The following PDE7B variants were observed in gnomAD, a reference collection of about 807,000 sequenced individuals.
The protein encoded by PDE7B is phosphodiesterase 7B.
Under a neutral mutation model 56.2 loss-of-function variants are expected in PDE7B, and 29 were observed. The observed-to-expected ratio is 0.52, with a 90% CI of 0.38 to 0.70. The LOEUF is 0.70. PDE7B is among the 30% of genes least tolerant of loss of function. The probability of loss-of-function intolerance (pLI) is 0.00; values close to 1 mark genes in which losing one functional copy is unlikely to be tolerated. For synonymous variants in PDE7B, 197 were observed against 196.9 expected (o/e 1.00, Z 0.00); for missense variants, 490 against 565.0 (o/e 0.87, Z 1.35).
At chr6:136,055,323 G>T (rs889336812) in intron 2 of PDE7B, among the ~76,000 whole-genome samples, 9 of 152,184 alleles carry the variant, frequency 5.9e-5, no homozygotes, top group Non-Finnish European at 1.3e-4. Flanking sequence ...ATGTGGATTT[G>T]CCTTTCCAGT....
rs185485329 is a variant in PDE7B at position 136,171,384 on chromosome 6, T to C, written c.712-2413T>C. On this transcript the variant is annotated intron_variant, in intron 8 of 12. Coordinates refer to ENST00000308191, the MANE Select transcript of PDE7B (RefSeq NM_018945.4). ...AATGGTTCTCAAACCTTAGTGTACA[T>C]ATGAATTTATTACCACAAGCCTATC... Among the ~76,000 whole-genome samples the C allele has an allele frequency of 2.4e-3, 366 of 152,280 alleles. 1 individual carries two copies. Among genetic ancestry groups the C allele is most frequent in the African/African-American group, 7.6e-3 (316 of 41,570 alleles).
chr6:136,057,084 G>A (rs546909534), intron 2 of PDE7B, among the ~76,000 whole-genome samples: 2 of 152,254 alleles, frequency 1.3e-5, no homozygotes, highest in African/African-American at 4.8e-5. Flanking sequence ...ATTGTGGTGC[G>A]ATTGTGAAGG....
chr6:135,899,152 C>G (rs573959509), intron 1 of PDE7B, among the ~76,000 whole-genome samples: 65 of 152,210 alleles, frequency 4.3e-4, no homozygotes, highest in Non-Finnish European at 4.9e-4. Context: ...GATTGTGAGG[C>G]CTCCCCAGCT....
At chr6:136,154,934 G>A (rs1442994783) in intron 7 of PDE7B, among the ~76,000 whole-genome samples, 2 of 152,116 alleles carry the variant, frequency 1.3e-5, no homozygotes, top group African/African-American at 4.8e-5. Flanking sequence ...GCACTCTCAG[G>A]GCAAAGCTGG....
intron 2 of PDE7B, among the ~76,000 whole-genome samples, chr6:135,975,545 ATG>A (rs1285008847): frequency 2.1e-5 from 3 of 144,240 alleles, no homozygotes; most frequent in African/African-American, 8.7e-5. Flanking sequence ...ATAGACAAGA[ATG>A]TGTGCATATT....
At chr6:135,985,120 T>C (rs1244244959) in intron 2 of PDE7B, among the ~76,000 whole-genome samples, 1 of 152,198 alleles carries the variant, frequency 6.6e-6, no homozygotes, top group Non-Finnish European at 1.5e-5. Flanking sequence ...CTTTACACTT[T>C]ATGTTTGCAT....
At position 136,193,371 on chromosome 6, in the gene PDE7B, A is replaced by G. The variant is rs1779260473; in HGVS notation, c.*1531A>G. 1 of 152,662 alleles carries G rather than the reference A, an allele frequency of 6.6e-6. No homozygotes were observed. Among genetic ancestry groups the G allele is most frequent in the Non-Finnish European group, 1.5e-5 (1 of 68,046 alleles). The allele number at this position is 152,662 out of a possible 1,614,324, so 9.5% of individuals were successfully genotyped here. ...GTTTAGCTGAAGTTCATATTATTTA[A>G]GTAAAGAAAATATTTCAGTTTTATA... On this transcript the variant is annotated 3_prime_UTR_variant, in exon 13 of 13. Transcript: ENST00000308191.
intron 1 of PDE7B, among the ~76,000 whole-genome samples, chr6:135,853,256 C>T (rs769697578): frequency 2.0e-5 from 3 of 152,052 alleles, no homozygotes; most frequent in Non-Finnish European, 2.9e-5. Context: ...ATATTAAGCA[C>T]GATTTCAAAC....
At chr6:136,047,146 C>CT (rs1347523574) in intron 2 of PDE7B, among the ~76,000 whole-genome samples, 2 of 152,198 alleles carry the variant, frequency 1.3e-5, no homozygotes, top group Non-Finnish European at 2.9e-5. Flanking sequence ...TCCCATGTAA[C>CT]TAGAAGCATC....
intron 2 of PDE7B, among the ~76,000 whole-genome samples, chr6:135,980,014 G>A (rs1462183803): frequency 6.6e-6 from 1 of 152,124 alleles, no homozygotes; most frequent in Non-Finnish European, 1.5e-5. Flanking sequence ...CAAAGCTGAA[G>A]GCATCATGCT....
chr6:136,187,258 T>G, intron 12 of PDE7B, 142 bp downstream of exon 12: 1 of 593,090 alleles, frequency 1.7e-6, no homozygotes, highest in Non-Finnish European at 3.0e-6. Flanking sequence ...GAGTCCAAAT[T>G]AATACTTTAA....
intron 1 of PDE7B, among the ~76,000 whole-genome samples, chr6:135,916,478 C>T (rs569810797): frequency 3.5e-4 from 52 of 148,282 alleles, no homozygotes; most frequent in African/African-American, 1.1e-3. Flanking sequence ...CTGCACCCTC[C>T]GCCTCCTGGG....
intron 2 of PDE7B, among the ~76,000 whole-genome samples, chr6:136,046,703 C>T (rs989574547): frequency 6.6e-6 from 1 of 152,196 alleles, no homozygotes; most frequent in African/African-American, 2.4e-5. Context: ...GCCATATCCT[C>T]TTTCCTCCCA....
intron 2 of PDE7B, among the ~76,000 whole-genome samples, chr6:136,052,623 C>CG (rs941411505): frequency 6.8e-6 from 1 of 146,872 alleles, no homozygotes; most frequent in Non-Finnish European, 1.5e-5. Context: ...TACAGCCCCC[C>CG]CCCACCCACA....
At chr6:136,052,950 G>C (rs1292339563) in intron 2 of PDE7B, among the ~76,000 whole-genome samples, 1 of 151,906 alleles carries the variant, frequency 6.6e-6, no homozygotes, top group Non-Finnish European at 1.5e-5. Flanking sequence ...CCTGTCCCAA[G>C]GCACAAGCTG....
At chr6:136,143,513 A>T (rs1354768906) in intron 3 of PDE7B, among the ~76,000 whole-genome samples, 1 of 152,128 alleles carries the variant, frequency 6.6e-6, no homozygotes, top group African/African-American at 2.4e-5. Flanking sequence ...AAAACCAAAA[A>T]AAGTCATGAG....
intron 1 of PDE7B, among the ~76,000 whole-genome samples, chr6:135,876,844 G>C (rs547679082): frequency 6.7e-6 from 1 of 150,040 alleles, no homozygotes; most frequent in Non-Finnish European, 1.5e-5. Context: ...GGGTGACAGT[G>C]AGAGACTCTG....
intron 2 of PDE7B, among the ~76,000 whole-genome samples, chr6:136,089,293 T>A (rs546637358): frequency 1.3e-5 from 2 of 152,298 alleles, no homozygotes; most frequent in East Asian, 3.9e-4. Flanking sequence ...CAAAAAAGAT[T>A]GGCACCAGGT....
Position 136,182,609 on chromosome 6 carries a change from C to T in PDE7B, c.1045+1286C>T, listed in dbSNP as rs371822941. Among the ~76,000 whole-genome samples, 48 of 152,306 alleles carry T rather than the reference C, an allele frequency of 3.2e-4. 1 individual carries two copies. Among genetic ancestry groups the T allele is most frequent in the African/African-American group, 1.1e-3 (46 of 41,566 alleles). ...ATGATTAAAGTACACAAGTCAGCAT[C>T]GACTGCAGTGTAAACCTTTTATTTT... On this transcript the variant is annotated intron_variant, in intron 11 of 12. Coordinates refer to ENST00000308191, the MANE Select transcript of PDE7B (RefSeq NM_018945.4).
Sources: gnomAD v4.1 joint callset for allele counts (sites outside exome capture counted in the v4.1 genomes callset) on GRCh38, gnomAD v4.1.1 for gene constraint, MANE v1.5 for transcripts, NCBI Gene and HGNC (gene_info 2026-07-23, HGNC 2026-07-21) for gene names.